The following WDR59 variants were observed in gnomAD, a reference collection of about 807,000 sequenced individuals.
WDR59 encodes GATOR2 complex protein WDR59.
In WDR59, 100 loss-of-function variants were observed where a neutral mutation model predicts 131.2. The ratio of observed to expected loss-of-function variants is 0.76; its 90% CI spans 0.65 to 0.90. The LOEUF is 0.90. Ranked by LOEUF, WDR59 falls within the 40% of genes least tolerant of loss-of-function variation. WDR59 has a pLI of 0.00. For missense variants in WDR59, 1,203 were observed against 1,262.2 expected (o/e 0.95, Z 0.71); for synonymous variants, 601 against 466.2 (o/e 1.29, Z -3.72).
chr16:74,925,306 CA>C (rs2030667643), intron 8 of WDR59, among the ~76,000 whole-genome samples: 1 of 152,010 alleles, frequency 6.6e-6, no homozygotes, highest in Non-Finnish European at 1.5e-5. Flanking sequence ...GAGGCCAAGG[CA>C]GGCAGGCAGG....
In WDR59 at chr16:74,922,041, G is replaced by A; in HGVS notation, c.792C>T (p.Leu264=). 1.2e-6 allele frequency: 2 copies of A among 1,614,186 alleles called. No individual in the cohort carries two copies. The highest frequency in any genetic ancestry group is 1.1e-5 in the South Asian group (1 of 91,084). The change falls in exon 10 of 26, where the codon CTC becomes CTT. Residue 264 remains leucine (L), a synonymous_variant. Transcript: ENST00000262144. ...TGTTCAAGTCAAAGACATTCCACAG[G>A]AGAAGGCTGTTTTCCCTCCGCAGCT... ...VPQLRRENSL[L]LWNVFDLNTP...
intron 8 of WDR59, among the ~76,000 whole-genome samples, chr16:74,924,599 G>C (rs1386617759): frequency 1.3e-5 from 2 of 152,132 alleles, no homozygotes; most frequent in African/African-American, 4.8e-5. Flanking sequence ...TGAAATTGTA[G>C]AGCACACAAA....
intron 1 of WDR59, among the ~76,000 whole-genome samples, chr16:74,979,337 G>A (rs531563390): frequency 9.2e-5 from 14 of 151,778 alleles, no homozygotes; most frequent in South Asian, 4.2e-4. Context: ...ATGGTGGCGG[G>A]CGCCTGTAGT....
intron 25 of WDR59, among the ~76,000 whole-genome samples, chr16:74,881,898 A>G (rs955505560): frequency 2.1e-5 from 3 of 142,630 alleles, no homozygotes; most frequent in East Asian, 3.9e-4. Context: ...GAAAAAAAAG[A>G]AAAAAAAAAG....
chr16:74,948,579 C>A (rs1755808178), intron 5 of WDR59, 23 bp from the exon 6 acceptor site: 2 of 1,602,684 alleles, frequency 1.2e-6, no homozygotes. Flanking sequence ...AATAAAAAAT[C>A]AAATCCCCAA....
intron 23 of WDR59, 29 bp from the exon 24 acceptor site, chr16:74,886,425 T>C (rs1445042811): frequency 6.2e-7 from 1 of 1,608,094 alleles, no homozygotes; most frequent in South Asian, 1.1e-5. Flanking sequence ...GAAGGGAAGA[T>C]GGCAATCAGA....
chr16:74,952,197 G>A (rs933531817), intron 3 of WDR59, among the ~76,000 whole-genome samples: 2 of 151,870 alleles, frequency 1.3e-5, no homozygotes, highest in Admixed American at 6.6e-5. Context: ...GCTCATGCCT[G>A]TAATCCCAGC....
intron 1 of WDR59, 68 bp from the exon 2 acceptor site, chr16:74,965,890 G>A (rs2033755275): frequency 1.3e-6 from 2 of 1,562,144 alleles, no homozygotes; most frequent in African/African-American, 2.7e-5. Context: ...AGAGGTCTCT[G>A]TGGCTCTTCC....
At chr16:74,929,711 C>T (rs934663928) in intron 8 of WDR59, among the ~76,000 whole-genome samples, 5 of 152,048 alleles carry the variant, frequency 3.3e-5, no homozygotes, top group Admixed American at 6.6e-5. Flanking sequence ...ACCAGTATAG[C>T]GAAGAGACAT....
chr16:74,978,195 C>A (rs1454561276), intron 1 of WDR59, among the ~76,000 whole-genome samples: 1 of 151,998 alleles, frequency 6.6e-6, no homozygotes, highest in African/African-American at 2.4e-5. Flanking sequence ...TGGTGATGGG[C>A]TCCTGTAATC....
At chr16:74,972,116 G>C (rs2034006778) in intron 1 of WDR59, among the ~76,000 whole-genome samples, 1 of 152,176 alleles carries the variant, frequency 6.6e-6, no homozygotes, top group African/African-American at 2.4e-5. Context: ...AGAAGAGAAT[G>C]AAGTTCTTAG....
At chr16:74,932,006 T>C (rs536731400) in intron 8 of WDR59, among the ~76,000 whole-genome samples, 1 of 151,786 alleles carries the variant, frequency 6.6e-6, no homozygotes, top group Middle Eastern at 3.5e-3. Context: ...TTTCAAAATC[T>C]TTAAGACCTT....
At position 74,894,200 on chromosome 16, in the gene WDR59, T is replaced by A. The variant is rs531814833; in HGVS notation, c.1867-388A>T. 1.7e-4 allele frequency among the ~76,000 whole-genome samples: 26 copies of A among 152,284 alleles called. No individual in the cohort carries two copies. In the South Asian group the frequency reaches 5.0e-3, roughly 29 times the overall value. ...AATTCCTGCCTGAAACTCATCAAAA[T>A]TTTTTTCCTTAGGCAGTTTGAACAG... On this transcript the variant is annotated intron_variant, in intron 18 of 25. Transcript: ENST00000262144.
At chr16:74,940,969 G>T (rs572172572) in intron 7 of WDR59, among the ~76,000 whole-genome samples, 1 of 152,146 alleles carries the variant, frequency 6.6e-6, no homozygotes, top group East Asian at 2.0e-4. Context: ...CTCCCAAAGT[G>T]CTGGGATTAC....
chr16:74,945,096 C>A, intron 6 of WDR59, among the ~76,000 whole-genome samples: 1 of 151,506 alleles, frequency 6.6e-6, no homozygotes, highest in East Asian at 1.9e-4. Flanking sequence ...CGCACTATAG[C>A]CTGGCCGACA....
At chr16:74,977,146 G>A (rs1222490177) in intron 1 of WDR59, among the ~76,000 whole-genome samples, 1 of 151,942 alleles carries the variant, frequency 6.6e-6, no homozygotes, top group East Asian at 1.9e-4. Flanking sequence ...AGAACCAGGA[G>A]GATCATTTGA....
intron 2 of WDR59, among the ~76,000 whole-genome samples, chr16:74,964,490 A>T (rs1283758136): frequency 6.6e-6 from 1 of 152,062 alleles, no homozygotes; most frequent in Non-Finnish European, 1.5e-5. Context: ...TTCTCCAGGG[A>T]GGTGGTCAGA....
chr16:74,938,861 A>G (rs574388778), intron 7 of WDR59, among the ~76,000 whole-genome samples: 1 of 151,776 alleles, frequency 6.6e-6, no homozygotes, highest in South Asian at 2.1e-4. Context: ...GTGCAGTCTG[A>G]CAATTCCCAC....
chr16:74,949,953 G>C (rs1416440133), intron 4 of WDR59, 155 bp from the exon 5 acceptor site: 1 of 723,572 alleles, frequency 1.4e-6, no homozygotes, highest in Admixed American at 2.0e-5. Flanking sequence ...AGTTCCTTGG[G>C]AACGAACATG....
Sources: gnomAD v4.1 joint callset for allele counts (sites outside exome capture counted in the v4.1 genomes callset) on GRCh38, gnomAD v4.1.1 for gene constraint, MANE v1.5 for transcripts, NCBI Gene and HGNC (gene_info 2026-07-23, HGNC 2026-07-21) for gene names.